DCC: variants seen among roughly 807,000 people sequenced by gnomAD.
The protein encoded by DCC is DCC netrin 1 receptor.
In DCC, 58 loss-of-function variants were observed where a neutral mutation model predicts 172.5. The ratio of observed to expected loss-of-function variants is 0.34; its 90% CI spans 0.27 to 0.42. The LOEUF (loss-of-function observed/expected upper bound fraction) is 0.42. Among genes scored for constraint, DCC ranks in the 10% least tolerant of loss-of-function variants. The pLI is 1.00. For missense variants in DCC, 1,740 were observed against 1,791.0 expected (o/e 0.97, Z 0.51); for synonymous variants, 709 against 644.5 (o/e 1.10, Z -1.52).
At chr18:52,413,963 TG>T (rs1986929165) in intron 1 of DCC, among the ~76,000 whole-genome samples, 2 of 152,358 alleles carry the variant, frequency 1.3e-5, no homozygotes, top group South Asian at 2.1e-4. Flanking sequence ...TGTGTATCTA[TG>T]CTTAAAAATA....
intron 1 of DCC, among the ~76,000 whole-genome samples, chr18:52,611,788 A>G (rs2034281681): frequency 6.6e-6 from 1 of 152,216 alleles, no homozygotes; most frequent in Admixed American, 6.5e-5. Context: ...TGGACAGAAT[A>G]AATTACATGA....
chr18:52,654,122 A>C (rs17755745), intron 1 of DCC, among the ~76,000 whole-genome samples: 46,478 of 152,096 alleles, frequency 0.31, 7,706 homozygotes, highest in East Asian at 0.51. Context: ...TTAAGGTACC[A>C]AATTCCTCAC....
intron 14 of DCC, among the ~76,000 whole-genome samples, chr18:53,334,184 CT>C (rs1291786521): frequency 6.6e-6 from 1 of 152,184 alleles, no homozygotes; most frequent in Non-Finnish European, 1.5e-5. Context: ...TCATTCTATG[CT>C]TCCTCTCCAA....
At chr18:52,755,744 T>C (rs947091607) in intron 2 of DCC, among the ~76,000 whole-genome samples, 1 of 152,204 alleles carries the variant, frequency 6.6e-6, no homozygotes, top group African/African-American at 2.4e-5. Context: ...AAAAATGTTT[T>C]GTACTCTCAG....
chr18:53,204,255 A>C (rs2055590276), intron 9 of DCC, among the ~76,000 whole-genome samples: 1 of 152,130 alleles, frequency 6.6e-6, no homozygotes, highest in South Asian at 2.1e-4. Flanking sequence ...ATCTTAAGAT[A>C]CCTGGGCTGG....
In DCC at chr18:53,486,845, C is replaced by G. The variant is rs2045906377; in HGVS notation, c.3785C>G (p.Pro1262Arg). 2 of 1,614,158 alleles carry G rather than the reference C, an allele frequency of 1.2e-6. No homozygotes were observed. The highest frequency in any genetic ancestry group is 1.7e-6 in the Non-Finnish European group (2 of 1,180,028). ...CCAACGCTAGAAAGTGCCCAGTACCCAGGAATCCTCCCGTCTCCCACCTGT... is the reference window on the plus strand; with the variant it reads ...CCAACGCTAGAAAGTGCCCAGTACCGAGGAATCCTCCCGTCTCCCACCTGT... The part of the protein sequence containing the change: ...PVPTLESAQY[P>R]GILPSPTCGY... Residue 1262 changes from proline (P) to arginine (R), a missense_variant, in exon 26 of 29, where the codon CCA becomes CGA. Pro to Arg is a moderately radical substitution (Grantham distance 103). Transcript: ENST00000442544.
Position 53,413,723 on chromosome 18 carries a change from C to G in DCC, c.3131-2401C>G, listed in dbSNP as rs1420934300. Reference sequence around the variant, plus strand: ...ATGGAGATAAGGGTGGTAGTCTCGTCTTTTTTGACATAATTCTAAAGAATT... The same window carrying G: ...ATGGAGATAAGGGTGGTAGTCTCGTGTTTTTTGACATAATTCTAAAGAATT... On this transcript the variant is annotated intron_variant, in intron 20 of 28. Coordinates refer to ENST00000442544, the MANE Select transcript of DCC (RefSeq NM_005215.4). Among the ~76,000 whole-genome samples the G allele has an allele frequency of 2.0e-5, 3 of 152,294 alleles. No individual in the cohort carries two copies. In the East Asian group the frequency reaches 5.8e-4, roughly 29 times the overall value.
intron 12 of DCC, among the ~76,000 whole-genome samples, chr18:53,305,282 T>G (rs958750247): frequency 2.0e-5 from 3 of 152,252 alleles, no homozygotes; most frequent in African/African-American, 7.2e-5. Flanking sequence ...AACCTTATTC[T>G]CTATTGTTTT....
At chr18:52,815,450 C>T (rs1413435677) in intron 2 of DCC, among the ~76,000 whole-genome samples, 7 of 150,308 alleles carry the variant, frequency 4.7e-5, no homozygotes, top group East Asian at 4.0e-4. Context: ...TCTCTCTCCA[C>T]GTCCCACCAC....
chr18:52,445,225 G>A (rs929941366), intron 1 of DCC, among the ~76,000 whole-genome samples: 2 of 152,050 alleles, frequency 1.3e-5, no homozygotes, highest in Non-Finnish European at 2.9e-5. Flanking sequence ...GTGGCAGCAC[G>A]CTCCATTCAA....
At chr18:53,155,892 T>C (rs574481865) in intron 7 of DCC, among the ~76,000 whole-genome samples, 9 of 152,092 alleles carry the variant, frequency 5.9e-5, no homozygotes, top group Admixed American at 5.9e-4. Flanking sequence ...CCGGGTGTGG[T>C]GGTGTGTGCC....
intron 9 of DCC, among the ~76,000 whole-genome samples, chr18:53,193,405 G>C (rs1358115613): frequency 6.6e-6 from 1 of 152,114 alleles, no homozygotes; most frequent in East Asian, 1.9e-4. Context: ...CATTCATTGA[G>C]CATTTCCTTT....
chr18:52,752,396 T>G, intron 2 of DCC, 22 bp downstream of exon 2: 14 of 1,544,064 alleles, frequency 9.1e-6, no homozygotes, highest in African/African-American at 2.7e-5. Flanking sequence ...CTTCCTTCTC[T>G]TCCTCCTCCT....
intron 12 of DCC, among the ~76,000 whole-genome samples, chr18:53,237,498 A>G (rs2056223904): frequency 6.6e-6 from 1 of 152,174 alleles, no homozygotes; most frequent in Non-Finnish European, 1.5e-5. Flanking sequence ...GTCACAGCCA[A>G]TCAGTAGTCA....
intron 15 of DCC, among the ~76,000 whole-genome samples, chr18:53,382,383 T>A (rs1907829271): frequency 6.6e-6 from 1 of 152,112 alleles, no homozygotes; most frequent in African/African-American, 2.4e-5. Flanking sequence ...TCTACCTAAT[T>A]GTATTTTCAC....
At chr18:53,138,011 A>G (rs1438506972) in intron 7 of DCC, among the ~76,000 whole-genome samples, 2 of 151,164 alleles carry the variant, frequency 1.3e-5, no homozygotes, top group Non-Finnish European at 2.9e-5. Flanking sequence ...TTTGTTTTGT[A>G]GAGACAGGAT....
At chr18:52,584,984 A>C (rs2033638854) in intron 1 of DCC, among the ~76,000 whole-genome samples, 1 of 152,232 alleles carries the variant, frequency 6.6e-6, no homozygotes, top group Non-Finnish European at 1.5e-5. Context: ...CTAAACATTT[A>C]GAACTTCATT....
At chr18:53,450,786 A>C (rs2045401682) in intron 23 of DCC, 124 bp downstream of exon 23, 1 of 837,566 alleles carries the variant, frequency 1.2e-6, no homozygotes, top group African/African-American at 1.7e-5. Context: ...CCCTGGCAAA[A>C]CCTTGCGTTT....
intron 13 of DCC, among the ~76,000 whole-genome samples, chr18:53,308,324 A>T (rs1188559948): frequency 6.6e-6 from 1 of 152,138 alleles, no homozygotes; most frequent in African/African-American, 2.4e-5. Flanking sequence ...GCTCGTATTT[A>T]TTAAAAAAAG....
Sources: gnomAD v4.1 joint callset for allele counts (sites outside exome capture counted in the v4.1 genomes callset) on GRCh38, gnomAD v4.1.1 for gene constraint, MANE v1.5 for transcripts, NCBI Gene and HGNC (gene_info 2026-07-23, HGNC 2026-07-21) for gene names.